The following SPATA16 variants were observed in gnomAD, a reference collection of about 807,000 sequenced individuals.
The protein encoded by SPATA16 is spermatogenesis associated 16.
SPATA16 carries 36 observed loss-of-function variants against 63.3 expected under a neutral mutation model. The ratio of observed to expected loss-of-function variants is 0.57; its 90% CI spans 0.44 to 0.75. The LOEUF is 0.75. Ranked by LOEUF, SPATA16 falls within the 30% of genes least tolerant of loss-of-function variation. The probability of loss-of-function intolerance (pLI) is 0.00; values close to 1 mark genes in which losing one functional copy is unlikely to be tolerated. For synonymous variants in SPATA16, 203 were observed against 216.7 expected (o/e 0.94, Z 0.56); for missense variants, 646 against 679.3 (o/e 0.95, Z 0.54).
At chr3:172,923,305 T>G (rs1732656458) in intron 8 of SPATA16, among the ~76,000 whole-genome samples, 1 of 152,228 alleles carries the variant, frequency 6.6e-6, no homozygotes, top group Non-Finnish European at 1.5e-5. Context: ...GTTTTTGTAT[T>G]TGTAATACAT....
At chr3:173,138,058 G>T (rs1252252527) in intron 1 of SPATA16, among the ~76,000 whole-genome samples, 2 of 151,900 alleles carry the variant, frequency 1.3e-5, no homozygotes. Context: ...TAACAAAATT[G>T]AGCTGATTTC....
intron 6 of SPATA16, among the ~76,000 whole-genome samples, chr3:172,951,200 T>G (rs1203456774): frequency 6.6e-6 from 1 of 152,024 alleles, no homozygotes; most frequent in Admixed American, 6.6e-5. Context: ...TGAAAAAAAA[T>G]CAGTAATTTT....
At chr3:173,085,512 T>C (rs1352221293) in intron 2 of SPATA16, among the ~76,000 whole-genome samples, 4 of 152,080 alleles carry the variant, frequency 2.6e-5, no homozygotes, top group African/African-American at 9.7e-5. Flanking sequence ...ATTTTTTTTT[T>C]CTCTTGCCTG....
At chr3:172,965,839 G>A (rs1386711356) in intron 5 of SPATA16, among the ~76,000 whole-genome samples, 1 of 152,134 alleles carries the variant, frequency 6.6e-6, no homozygotes, top group Non-Finnish European at 1.5e-5. Flanking sequence ...GCCTCCCAAA[G>A]TGTTGGGATT....
intron 3 of SPATA16, among the ~76,000 whole-genome samples, chr3:173,040,804 C>T (rs190482526): frequency 3.3e-5 from 5 of 152,166 alleles, no homozygotes; most frequent in Admixed American, 3.3e-4. Context: ...TAGTGGAGAA[C>T]TAAGTGAGAT....
chr3:173,139,003 T>G (rs1455143473), intron 1 of SPATA16, among the ~76,000 whole-genome samples: 1 of 152,196 alleles, frequency 6.6e-6, no homozygotes, highest in Non-Finnish European at 1.5e-5. Flanking sequence ...TTATAATAAT[T>G]TTCCCCATCA....
chr3:172,973,219 G>A (rs1405191752), intron 5 of SPATA16, among the ~76,000 whole-genome samples: 1 of 152,058 alleles, frequency 6.6e-6, no homozygotes, highest in Non-Finnish European at 1.5e-5. Flanking sequence ...CTGTGTATAG[G>A]AGATCAATTT....
intron 2 of SPATA16, among the ~76,000 whole-genome samples, chr3:173,075,988 A>G (rs1736792172): frequency 6.6e-6 from 1 of 152,164 alleles, no homozygotes; most frequent in African/African-American, 2.4e-5. Context: ...TGATTTGATC[A>G]TTAATTACCC....
At chr3:172,920,047 G>A (rs932202725) in intron 8 of SPATA16, among the ~76,000 whole-genome samples, 8 of 152,128 alleles carry the variant, frequency 5.3e-5, no homozygotes, top group African/African-American at 1.9e-4. Context: ...CCTATGTTGT[G>A]TGTTATGCAT....
chr3:172,920,448 G>C (rs959794359), intron 8 of SPATA16, among the ~76,000 whole-genome samples: 1 of 152,194 alleles, frequency 6.6e-6, no homozygotes, highest in African/African-American at 2.4e-5. Flanking sequence ...CAAGGGTTTG[G>C]AAGCAAGAGT....
At chr3:172,956,934 T>C in intron 5 of SPATA16, 110 bp from the exon 6 acceptor site, 1 of 1,290,460 alleles carries the variant, frequency 7.7e-7, no homozygotes, top group Non-Finnish European at 1.1e-6. Flanking sequence ...TATACTGTAC[T>C]GCAAAGATAA....
At position 173,140,526 on chromosome 3, in the gene SPATA16, T is replaced by C. The variant is rs531933546; in HGVS notation, c.-19+577A>G. ...TTTTACGCCAGGCATGATGTTAGGA[T>C]ACAGAAATGATGACATGGTCTATGT... On this transcript the variant is annotated intron_variant, in intron 1 of 10. Coordinates refer to ENST00000351008, the MANE Select transcript of SPATA16 (RefSeq NM_031955.6). Among the ~76,000 whole-genome samples the C allele has an allele frequency of 7.2e-5, 11 of 152,304 alleles. No individual in the cohort carries two copies. The South Asian group carries it at 2.3e-3, about 32-fold the overall frequency.
chr3:173,127,577 T>C (rs908777536), intron 1 of SPATA16, among the ~76,000 whole-genome samples: 9 of 152,230 alleles, frequency 5.9e-5, no homozygotes, highest in African/African-American at 2.2e-4. Flanking sequence ...GCCAGCTATT[T>C]TACAGAATCT....
At chr3:173,123,534 C>T (rs1738141977) in intron 1 of SPATA16, among the ~76,000 whole-genome samples, 1 of 151,034 alleles carries the variant, frequency 6.6e-6, no homozygotes, top group Non-Finnish European at 1.5e-5. Flanking sequence ...AAAATGATAA[C>T]AAAACAAACT....
chr3:173,089,648 G>A (rs1037184729), intron 2 of SPATA16, among the ~76,000 whole-genome samples: 1 of 152,170 alleles, frequency 6.6e-6, no homozygotes, highest in African/African-American at 2.4e-5. Context: ...GAATGTGAAC[G>A]ACGAGGACAA....
intron 4 of SPATA16, among the ~76,000 whole-genome samples, chr3:173,002,120 A>G (rs1734841815): frequency 6.6e-6 from 1 of 152,146 alleles, no homozygotes; most frequent in Non-Finnish European, 1.5e-5. Context: ...TACTATCAAT[A>G]TTTATTTTGA....
intron 4 of SPATA16, among the ~76,000 whole-genome samples, chr3:172,983,730 A>C (rs1400845165): frequency 6.6e-6 from 1 of 151,868 alleles, no homozygotes; most frequent in African/African-American, 2.4e-5. Flanking sequence ...AATTCATTCA[A>C]GCCAACACAC....
intron 4 of SPATA16, among the ~76,000 whole-genome samples, chr3:172,978,918 T>G (rs1734230321): frequency 6.6e-6 from 1 of 152,196 alleles, no homozygotes; most frequent in South Asian, 2.1e-4. Context: ...CAAGCCATGG[T>G]GGGCATTTAT....
chr3:173,032,151 A>G (rs1283083178), intron 3 of SPATA16, among the ~76,000 whole-genome samples: 1 of 152,110 alleles, frequency 6.6e-6, no homozygotes, highest in Non-Finnish European at 1.5e-5. Context: ...GAGAAGTCAA[A>G]CAGAAAACAA....
Sources: allele counts gnomAD v4.1 joint callset (sites outside exome capture counted in the v4.1 genomes callset), GRCh38; gene constraint gnomAD v4.1.1; transcripts MANE v1.5; gene names NCBI Gene and HGNC (gene_info 2026-07-23, HGNC 2026-07-21).